Variants in CREB5 observed in about 807,000 individuals in gnomAD.
The protein encoded by CREB5 is cAMP responsive element binding protein 5.
In CREB5, 19 loss-of-function variants were observed where a neutral mutation model predicts 57.1. The observed-to-expected ratio is 0.33, with a 90% CI of 0.23 to 0.49. CREB5 has a LOEUF of 0.49. Among genes scored for constraint, CREB5 ranks in the 20% least tolerant of loss-of-function variants. CREB5 has a pLI of 0.99. For missense variants in CREB5, 579 were observed against 671.6 expected (o/e 0.86, Z 1.52); for synonymous variants, 238 against 238.3 (o/e 1.00, Z 0.01).
At chr7:28,765,520 C>G (rs569944047) in intron 7 of CREB5, among the ~76,000 whole-genome samples, 1 of 152,026 alleles carries the variant, frequency 6.6e-6, no homozygotes, top group South Asian at 2.1e-4. Context: ...TTGCCTTATT[C>G]GTAGCTTTGT....
intron 1 of CREB5, among the ~76,000 whole-genome samples, chr7:28,362,771 G>A (rs141917634): frequency 9.2e-5 from 14 of 152,048 alleles, no homozygotes; most frequent in Admixed American, 2.6e-4. Context: ...CATGAAAATC[G>A]GAAAAACAAG....
At chr7:28,744,434 G>C (rs906181312) in intron 7 of CREB5, among the ~76,000 whole-genome samples, 1 of 133,462 alleles carries the variant, frequency 7.5e-6, no homozygotes, top group Admixed American at 8.9e-5. Flanking sequence ...TGCAGCTTCC[G>C]CCTCCCACGT....
chr7:28,349,137 C>T (rs1051904187), intron 1 of CREB5, among the ~76,000 whole-genome samples: 1 of 152,128 alleles, frequency 6.6e-6, no homozygotes, highest in African/African-American at 2.4e-5. Flanking sequence ...GTCCACCGCA[C>T]ATCAGTGATG....
intron 1 of CREB5, among the ~76,000 whole-genome samples, chr7:28,379,356 A>G (rs1786912438): frequency 6.6e-6 from 1 of 152,218 alleles, no homozygotes; most frequent in Admixed American, 6.5e-5. Context: ...CAATTTGTTT[A>G]TCACAATATG....
chr7:28,484,652 G>A (rs923118774), intron 1 of CREB5, among the ~76,000 whole-genome samples: 10 of 152,142 alleles, frequency 6.6e-5, no homozygotes, highest in South Asian at 2.1e-4. Context: ...CATGGGATCC[G>A]TGGCATGTAA....
intron 1 of CREB5, among the ~76,000 whole-genome samples, chr7:28,456,487 C>T (rs73684368): frequency 3.9e-4 from 60 of 152,162 alleles, no homozygotes; most frequent in African/African-American, 1.3e-3. Context: ...CATTGAAAGC[C>T]ATGTGACAAT....
intron 1 of CREB5, among the ~76,000 whole-genome samples, chr7:28,392,469 T>C (rs999726944): frequency 1.3e-5 from 2 of 152,184 alleles, no homozygotes; most frequent in Non-Finnish European, 2.9e-5. Flanking sequence ...TTATTTTCAA[T>C]GGCAAAAACC....
chr7:28,487,881 C>T (rs1306486353), intron 1 of CREB5, among the ~76,000 whole-genome samples: 1 of 152,152 alleles, frequency 6.6e-6, no homozygotes, highest in Non-Finnish European at 1.5e-5. Flanking sequence ...GTAACACCCA[C>T]CAGGTGGTTT....
At position 28,514,617 on chromosome 7, in the gene CREB5, A is replaced by G. The variant is rs530029402; in HGVS notation, c.291+6880A>G. On this transcript the variant is annotated intron_variant, in intron 4 of 10. Transcript: ENST00000357727. ...TCACCGTGTTAGTCAGGATGGTCTC[A>G]ATCTCGGACCTCGTGATCCGCCCGC... Among the ~76,000 whole-genome samples the G allele has an allele frequency of 2.2e-3, 330 of 152,196 alleles. 1 individual carries two copies. The highest frequency in any genetic ancestry group is 6.8e-3 in the Middle Eastern group (2 of 294).
chr7:28,752,083 T>A (rs1237260775), intron 7 of CREB5, among the ~76,000 whole-genome samples: 1 of 152,246 alleles, frequency 6.6e-6, no homozygotes, highest in Non-Finnish European at 1.5e-5. Context: ...ATAAATCTTA[T>A]CCCTGGTGAT....
intron 5 of CREB5, among the ~76,000 whole-genome samples, chr7:28,697,208 A>G (rs897998988): frequency 3.3e-5 from 5 of 152,070 alleles, no homozygotes; most frequent in African/African-American, 1.2e-4. Flanking sequence ...AGCTGATTTC[A>G]CCAATTTCTC....
At position 28,595,185 on chromosome 7, in the gene CREB5, C is replaced by T. The variant is rs555600731; in HGVS notation, c.464+24648C>T. On this transcript the variant is annotated intron_variant, in intron 5 of 10. Coordinates refer to ENST00000357727, the MANE Select transcript of CREB5 (RefSeq NM_182898.4). ...AACTTGCAATATTTCTCAGAAAAAT[C>T]TTCCCTAGCCTTCCTAACAAAGTCA... Among the ~76,000 whole-genome samples, 46 of 152,212 alleles carry T rather than the reference C, an allele frequency of 3.0e-4. 1 individual carries two copies. The highest frequency in any genetic ancestry group is 1.9e-3 in the South Asian group (9 of 4,828).
rs549327471 is a variant in CREB5, at chr7:28,781,193, G to A, written c.703-23006G>A. Among the ~76,000 whole-genome samples the A allele has an allele frequency of 3.9e-5, 6 of 152,276 alleles. No homozygotes were observed. The East Asian group carries it at 9.6e-4, about 24-fold the overall frequency. ...GAGACAGTAATGAATGAAGCCATTTGGACAGATCTGTGCCCTTCGATTTTC... is the reference window on the plus strand; with the variant it reads ...GAGACAGTAATGAATGAAGCCATTTAGACAGATCTGTGCCCTTCGATTTTC... On this transcript the variant is annotated intron_variant, in intron 7 of 10. Transcript: ENST00000357727.
At chr7:28,638,421 C>T (rs531747435) in intron 5 of CREB5, among the ~76,000 whole-genome samples, 1 of 151,834 alleles carries the variant, frequency 6.6e-6, no homozygotes, top group Non-Finnish European at 1.5e-5. Context: ...TCACAGCTCA[C>T]TCCAACCTCA....
At chr7:28,815,434 T>C (rs1809381667) in intron 9 of CREB5, among the ~76,000 whole-genome samples, 1 of 152,240 alleles carries the variant, frequency 6.6e-6, no homozygotes. Context: ...ATTAATAAAG[T>C]GTTTTGCTGT....
intron 1 of CREB5, among the ~76,000 whole-genome samples, chr7:28,438,022 T>C (rs1298421018): frequency 6.6e-6 from 1 of 152,108 alleles, no homozygotes; most frequent in Non-Finnish European, 1.5e-5. Context: ...CAGGAGCCAT[T>C]TGTGGTCGGG....
intron 5 of CREB5, among the ~76,000 whole-genome samples, chr7:28,718,412 G>A (rs1190441825): frequency 6.6e-6 from 1 of 152,302 alleles, no homozygotes; most frequent in South Asian, 2.1e-4. Context: ...ACACTTCAGA[G>A]GGCTGAGATT....
chr7:28,612,906 T>C (rs1583418292), intron 5 of CREB5, among the ~76,000 whole-genome samples: 1 of 152,200 alleles, frequency 6.6e-6, no homozygotes, highest in East Asian at 1.9e-4. Flanking sequence ...AATGGCATTT[T>C]TGTACTTATC....
At chr7:28,517,688 C>T (rs926705296) in intron 4 of CREB5, among the ~76,000 whole-genome samples, 1 of 152,092 alleles carries the variant, frequency 6.6e-6, no homozygotes, top group East Asian at 1.9e-4. Flanking sequence ...TGGGTGGCCA[C>T]GCACCTCCTG....
Sources: allele counts gnomAD v4.1 joint callset (sites outside exome capture counted in the v4.1 genomes callset), GRCh38; gene constraint gnomAD v4.1.1; transcripts MANE v1.5; gene names NCBI Gene and HGNC (gene_info 2026-07-23, HGNC 2026-07-21).